Variants in OSBP2 observed in about 807,000 individuals in gnomAD.
The protein encoded by OSBP2 is oxysterol binding protein 2, also known as oxysterol-binding protein 2.
In OSBP2, 66 loss-of-function variants were observed where a neutral mutation model predicts 96.0. The observed-to-expected ratio is 0.69, with a 90% CI of 0.56 to 0.84. The LOEUF (loss-of-function observed/expected upper bound fraction) is 0.84. Among genes scored for constraint, OSBP2 ranks in the 40% least tolerant of loss-of-function variants. OSBP2 has a pLI of 0.00. For missense variants in OSBP2, 1,038 were observed against 1,222.7 expected (o/e 0.85, Z 2.25); for synonymous variants, 525 against 520.9 (o/e 1.01, Z -0.11).
intron 2 of OSBP2, among the ~76,000 whole-genome samples, chr22:30,799,122 T>TTC: frequency 6.6e-6 from 1 of 150,576 alleles, no homozygotes; most frequent in Non-Finnish European, 1.5e-5. Flanking sequence ...CCTTTCTTTC[T>TTC]CTTTTGAGAT....
At chr22:30,782,791 T>C (rs992697051) in intron 2 of OSBP2, among the ~76,000 whole-genome samples, 2 of 152,190 alleles carry the variant, frequency 1.3e-5, no homozygotes, top group African/African-American at 2.4e-5. Flanking sequence ...AGGAATAGAA[T>C]GGCTGACTCA....
At chr22:30,891,040 C>G (rs1169417151) in intron 8 of OSBP2, 67 bp downstream of exon 8, 1 of 1,548,164 alleles carries the variant, frequency 6.5e-7, no homozygotes, top group Non-Finnish European at 8.7e-7. Flanking sequence ...CCTGCCAGGC[C>G]CAAGGTGACA....
chr22:30,853,698 C>T (rs924190670), intron 2 of OSBP2, among the ~76,000 whole-genome samples: 3 of 151,744 alleles, frequency 2.0e-5, no homozygotes, highest in African/African-American at 4.8e-5. Context: ...TTTTTTCCTC[C>T]ATTCCTGTTG....
At chr22:30,829,234 C>T (rs547953287) in intron 2 of OSBP2, among the ~76,000 whole-genome samples, 1 of 152,252 alleles carries the variant, frequency 6.6e-6, no homozygotes, top group Admixed American at 6.5e-5. Context: ...CTTGGCACCT[C>T]GCGTGGATTA....
intron 2 of OSBP2, among the ~76,000 whole-genome samples, chr22:30,771,972 C>T (rs1306297473): frequency 6.6e-6 from 1 of 152,172 alleles, no homozygotes; most frequent in Non-Finnish European, 1.5e-5. Context: ...TCTCTAGCCC[C>T]CAGATGTTTG....
chr22:30,799,168 G>A (rs375706003), intron 2 of OSBP2, among the ~76,000 whole-genome samples: 12 of 149,380 alleles, frequency 8.0e-5, no homozygotes, highest in African/African-American at 3.0e-4. Context: ...GGAGTGCAGC[G>A]GTGCAATCTC....
At chr22:30,837,388 C>T (rs910452660) in intron 2 of OSBP2, among the ~76,000 whole-genome samples, 1 of 152,086 alleles carries the variant, frequency 6.6e-6, no homozygotes, top group Admixed American at 6.5e-5. Flanking sequence ...GCATGGAAAA[C>T]CACTGAGACC....
intron 1 of OSBP2, among the ~76,000 whole-genome samples, chr22:30,708,680 G>A (rs985624229): frequency 6.0e-5 from 9 of 150,548 alleles, no homozygotes; most frequent in African/African-American, 2.2e-4. Context: ...TAGAGACGAG[G>A]TTTCACCATG....
At chr22:30,836,402 C>T (rs74770616) in intron 2 of OSBP2, among the ~76,000 whole-genome samples, 2 of 152,116 alleles carry the variant, frequency 1.3e-5, no homozygotes, top group Non-Finnish European at 1.5e-5. Flanking sequence ...TACCCTTAGC[C>T]TCTGAATTCT....
At chr22:30,877,113 C>T (rs943735966) in intron 3 of OSBP2, among the ~76,000 whole-genome samples, 5 of 152,002 alleles carry the variant, frequency 3.3e-5, no homozygotes, top group Admixed American at 3.3e-4. Context: ...GCCTCTATGC[C>T]TGGCTCAGAG....
In OSBP2 at chr22:30,870,284, G is replaced by C. The variant is rs533230023; in HGVS notation, c.854-145G>C. 1.1e-6 allele frequency: 1 copy of C among 873,996 alleles called. No individual in the cohort carries two copies. The highest frequency in any genetic ancestry group is 1.7e-6 in the Non-Finnish European group (1 of 577,206). 54.1% of individuals were successfully genotyped at this position (873,996 alleles called of 1,614,324 possible). On this transcript the variant is annotated intron_variant, in intron 2 of 13. Transcript: ENST00000332585. This position sits in a 1 kb window ranked among gnomAD's most constrained non-coding sequence, Gnocchi z 4.1. Reference sequence around the variant, plus strand: ...CAGGATGGGGCAGGCACCTCACCCCGGCCAGGAACAGGAACGGGCACCATC... The same window carrying C: ...CAGGATGGGGCAGGCACCTCACCCCCGCCAGGAACAGGAACGGGCACCATC...
intron 1 of OSBP2, among the ~76,000 whole-genome samples, chr22:30,704,033 A>G (rs1488130513): frequency 6.6e-6 from 1 of 152,182 alleles, no homozygotes; most frequent in East Asian, 1.9e-4. Context: ...CGAGGATTCA[A>G]TCACAGTCTT....
intron 1 of OSBP2, among the ~76,000 whole-genome samples, chr22:30,702,984 T>G (rs1180240633): frequency 6.6e-6 from 1 of 152,210 alleles, no homozygotes; most frequent in African/African-American, 2.4e-5. Flanking sequence ...CATGCCAAAC[T>G]TGAATTTTTC....
chr22:30,753,454 C>T (rs2090102765), intron 2 of OSBP2, among the ~76,000 whole-genome samples: 1 of 152,148 alleles, frequency 6.6e-6, no homozygotes, highest in Non-Finnish European at 1.5e-5. Context: ...GCCTGGGAGT[C>T]ACCAGGGGAG....
chr22:30,793,038 C>T (rs2090699591), intron 2 of OSBP2, among the ~76,000 whole-genome samples: 1 of 152,162 alleles, frequency 6.6e-6, no homozygotes, highest in African/African-American at 2.4e-5. Context: ...ACCACATTGT[C>T]TCAAAACTGA....
chr22:30,874,742 C>G (rs75638808), intron 3 of OSBP2, among the ~76,000 whole-genome samples: 3,198 of 152,348 alleles, frequency 0.021, 49 homozygotes, highest in East Asian at 0.03. Context: ...TTCAACCCCC[C>G]ACGCCTTTAC....
intron 2 of OSBP2, among the ~76,000 whole-genome samples, chr22:30,846,847 G>A (rs2038881278): frequency 6.6e-6 from 1 of 152,094 alleles, no homozygotes; most frequent in African/African-American, 2.4e-5. Flanking sequence ...CAATTTGCTA[G>A]TACTTTTCTG....
Position 30,780,111 on chromosome 22 carries a change from C to T in OSBP2, c.853+38742C>T, listed in dbSNP as rs370130962. 9.0e-4 allele frequency among the ~76,000 whole-genome samples: 137 copies of T among 152,368 alleles called. 3 individuals are homozygous for T. The South Asian group carries it at 0.027, about 30-fold the overall frequency. On this transcript the variant is annotated intron_variant, in intron 2 of 13. Transcript: ENST00000332585. ...AAGATGCCAGAACTGAAGGATCATT[C>T]AGGCTGAGTGTTCAGTCCTTGAGGG...
chr22:30,795,796 G>A (rs2090751953), intron 2 of OSBP2, among the ~76,000 whole-genome samples: 1 of 152,212 alleles, frequency 6.6e-6, no homozygotes, highest in African/African-American at 2.4e-5. Context: ...TGGGATTACA[G>A]GCATGAGCCA....
Sources: gnomAD v4.1 joint callset for allele counts (sites outside exome capture counted in the v4.1 genomes callset) on GRCh38, gnomAD v4.1.1 for gene constraint, Gnocchi (gnomAD v3.1) non-coding constraint, MANE v1.5 for transcripts, NCBI Gene and HGNC (gene_info 2026-07-23, HGNC 2026-07-21) for gene names.